RIMS1: variants seen among roughly 807,000 people sequenced by gnomAD.
RIMS1 encodes regulating synaptic membrane exocytosis 1, also known as regulating synaptic membrane exocytosis protein 1.
In RIMS1, 83 loss-of-function variants were observed where a neutral mutation model predicts 214.1. The observed-to-expected ratio is 0.39, with a 90% CI of 0.32 to 0.47. RIMS1 has a LOEUF of 0.47. Among genes scored for constraint, RIMS1 ranks in the 20% least tolerant of loss-of-function variants. RIMS1 has a pLI of 0.99. For synonymous variants in RIMS1, 793 were observed against 786.8 expected, an observed-to-expected ratio of 1.01 and a Z score of -0.13; for missense variants, 2,050 against 2,161.8, an observed-to-expected ratio of 0.95 and a Z score of 1.03.
At chr6:72,117,202 T>G (rs1192420562) in intron 4 of RIMS1, among the ~76,000 whole-genome samples, 1 of 152,012 alleles carries the variant, frequency 6.6e-6, no homozygotes, top group Non-Finnish European at 1.5e-5. Context: ...CTAAAAAATC[T>G]GCATTTCTTT....
In RIMS1 at chr6:72,335,039, T is replaced by G. The variant is rs563453992; in HGVS notation, c.4366+1204T>G. ...TGTTTAAATTTTTTATGGTGGTGCTTCCTGGTTTTTGGTGTTTTGTTTGTT... is the reference window on the plus strand; with the variant it reads ...TGTTTAAATTTTTTATGGTGGTGCTGCCTGGTTTTTGGTGTTTTGTTTGTT... On this transcript the variant is annotated intron_variant, in intron 29 of 33. Transcript: ENST00000521978. Among the ~76,000 whole-genome samples the G allele has an allele frequency of 3.3e-5, 5 of 151,950 alleles. No homozygotes were observed. The East Asian group carries it at 9.7e-4, about 30-fold the overall frequency.
At chr6:72,022,704 C>T (rs1380169289) in intron 2 of RIMS1, among the ~76,000 whole-genome samples, 1 of 152,062 alleles carries the variant, frequency 6.6e-6, no homozygotes, top group Non-Finnish European at 1.5e-5. Context: ...AGGCTTTAAA[C>T]TCTTTATCAT....
At chr6:72,206,641 T>C (rs904827752) in intron 6 of RIMS1, among the ~76,000 whole-genome samples, 1 of 152,254 alleles carries the variant, frequency 6.6e-6, no homozygotes, top group Non-Finnish European at 1.5e-5. Flanking sequence ...AATGATATTC[T>C]AGTTGCGTAT....
chr6:72,273,486 T>G (rs2084505626), intron 22 of RIMS1, among the ~76,000 whole-genome samples: 1 of 152,156 alleles, frequency 6.6e-6, no homozygotes, highest in African/African-American at 2.4e-5. Context: ...AACTAGATGT[T>G]TGAAATTTGT....
chr6:71,892,753 T>C (rs1770330816), intron 1 of RIMS1, among the ~76,000 whole-genome samples: 2 of 152,160 alleles, frequency 1.3e-5, no homozygotes, highest in African/African-American at 4.8e-5. Flanking sequence ...TTTCAGGTAT[T>C]AGAATTAGGT....
chr6:71,887,615 C>CT (rs1015391193), intron 1 of RIMS1, among the ~76,000 whole-genome samples: 20 of 152,190 alleles, frequency 1.3e-4, no homozygotes, highest in South Asian at 1.2e-3. Flanking sequence ...CTCTTCTCTT[C>CT]TTGGAGTTGT....
rs149510188 is a variant in RIMS1, at chr6:72,370,228, G to A, written c.4367-20370G>A. ...TCAGAGAAAATTTGACCTGAGAAGAGGCTAGTGGTTTTATTGTGAACTTTG... is the reference window on the plus strand; with the variant it reads ...TCAGAGAAAATTTGACCTGAGAAGAAGCTAGTGGTTTTATTGTGAACTTTG... On this transcript the variant is annotated intron_variant, in intron 29 of 33. Coordinates refer to ENST00000521978, the MANE Select transcript of RIMS1 (RefSeq NM_014989.7). Among the ~76,000 whole-genome samples, 380 of 152,246 alleles carry A rather than the reference G, an allele frequency of 2.5e-3. 1 individual carries two copies. Among genetic ancestry groups the A allele is most frequent in the African/African-American group, 8.4e-3 (350 of 41,536 alleles).
intron 26 of RIMS1, 93 bp downstream of exon 26, chr6:72,292,139 T>A (rs1159688521): frequency 2.6e-6 from 2 of 782,508 alleles, no homozygotes; most frequent in Non-Finnish European, 4.0e-6. Flanking sequence ...GTATTTTGAT[T>A]ATATGTAGTT....
In RIMS1 at chr6:72,362,522, A is replaced by T. The variant is rs116893872; in HGVS notation, c.4367-28076A>T. ...GACACTAAAATGTATACTTATGTGTAATGAGGGGGGAAGACAACAAAATAC... is the reference window on the plus strand; with the variant it reads ...GACACTAAAATGTATACTTATGTGTTATGAGGGGGGAAGACAACAAAATAC... On this transcript the variant is annotated intron_variant, in intron 29 of 33. Transcript: ENST00000521978. Among the ~76,000 whole-genome samples, 676 of 152,306 alleles carry T rather than the reference A, an allele frequency of 4.4e-3. 2 individuals are homozygous for T. Among genetic ancestry groups the T allele is most frequent in the South Asian group, 7.2e-3 (35 of 4,828 alleles).
chr6:72,109,106 G>C (rs989040994), intron 4 of RIMS1, among the ~76,000 whole-genome samples: 2 of 152,022 alleles, frequency 1.3e-5, no homozygotes. Flanking sequence ...ATCATTGTTG[G>C]ACATTTGGGT....
chr6:72,125,356 C>G (rs963066688), intron 4 of RIMS1, among the ~76,000 whole-genome samples: 2 of 152,176 alleles, frequency 1.3e-5, no homozygotes, highest in Admixed American at 1.3e-4. Context: ...CCTCTGGAAG[C>G]TTCGTCTCAG....
intron 16 of RIMS1, among the ~76,000 whole-genome samples, chr6:72,253,566 A>T (rs981943866): frequency 2.6e-5 from 4 of 152,188 alleles, no homozygotes; most frequent in Non-Finnish European, 5.9e-5. Context: ...TAAATATGCA[A>T]ATAAGAAGAA....
At chr6:72,251,436 T>A in intron 15 of RIMS1, 68 bp downstream of exon 15, 1 of 1,219,690 alleles carries the variant, frequency 8.2e-7, no homozygotes, top group Non-Finnish European at 1.1e-6. Context: ...TGATTAATAA[T>A]TCAAGATGTT....
rs79197509 is a variant in RIMS1, at chr6:72,080,600, G to A, written c.246-16349G>A. The stretch of plus-strand genomic sequence containing the variant: ...TCACCCAGAGTAAAAGCCAAATCCC[G>A]ATGATGATGAAGAAAGCTCACATAA... On this transcript the variant is annotated intron_variant, in intron 2 of 33. Coordinates refer to ENST00000521978, the MANE Select transcript of RIMS1 (RefSeq NM_014989.7). 5.7e-3 allele frequency among the ~76,000 whole-genome samples: 864 copies of A among 152,240 alleles called. 8 individuals are homozygous for A. The highest frequency in any genetic ancestry group is 0.02 in the African/African-American group (836 of 41,552).
chr6:72,398,525 G>A (rs1196797904), intron 32 of RIMS1, among the ~76,000 whole-genome samples, 175 bp downstream of exon 32: 1 of 152,106 alleles, frequency 6.6e-6, no homozygotes, highest in Admixed American at 6.5e-5. Context: ...TCCTTGCACA[G>A]TTATTCTTTC....
chr6:72,238,092 A>G (rs2154100251), intron 9 of RIMS1, among the ~76,000 whole-genome samples, 170 bp downstream of exon 9: 1 of 152,162 alleles, frequency 6.6e-6, no homozygotes, highest in South Asian at 2.1e-4. Context: ...TTATTTCCTG[A>G]TATAAATATT....
chr6:72,379,814 T>C (rs1317222439), intron 29 of RIMS1, among the ~76,000 whole-genome samples: 2 of 152,196 alleles, frequency 1.3e-5, no homozygotes, highest in African/African-American at 4.8e-5. Flanking sequence ...GTGGTAGAGC[T>C]GGTACTTGAA....
intron 6 of RIMS1, among the ~76,000 whole-genome samples, chr6:72,219,762 G>C (rs931472873): frequency 1.3e-5 from 2 of 151,360 alleles, no homozygotes; most frequent in East Asian, 1.9e-4. Context: ...CTTGAAACTT[G>C]TTCTTCTGAG....
At chr6:72,286,226 G>A (rs991692534) in intron 24 of RIMS1, among the ~76,000 whole-genome samples, 3 of 151,958 alleles carry the variant, frequency 2.0e-5, no homozygotes, top group Admixed American at 6.6e-5. Context: ...CTAGTTGAGT[G>A]ACTACTGTGT....
Sources: allele counts gnomAD v4.1 joint callset (sites outside exome capture counted in the v4.1 genomes callset), GRCh38; gene constraint gnomAD v4.1.1; transcripts MANE v1.5; gene names NCBI Gene and HGNC (gene_info 2026-07-23, HGNC 2026-07-21).